The following CABCOCO1 variants were observed in gnomAD, a reference collection of about 807,000 sequenced individuals.
CABCOCO1 encodes the protein ciliary associated calcium binding coiled-coil 1.
Under a neutral mutation model 35.7 loss-of-function variants are expected in CABCOCO1, and 28 were observed. The ratio of observed to expected loss-of-function variants is 0.78; its 90% CI spans 0.58 to 1.07. CABCOCO1 has a LOEUF of 1.07. Ranked by LOEUF, CABCOCO1 falls within the 50% of genes least tolerant of loss-of-function variation. The pLI, the probability that CABCOCO1 is intolerant of heterozygous loss-of-function variation, is 0.00. For synonymous variants in CABCOCO1, 95 were observed against 100.1 expected, an observed-to-expected ratio of 0.95 and a Z score of 0.30; for missense variants, 326 against 309.2, an observed-to-expected ratio of 1.05 and a Z score of -0.41.
rs200867627 is a variant in CABCOCO1, at chr10:61,669,020, G to GAAA, written c.61-3601_61-3599dup. ...TGGTTCATTTATTTTAAGGGTTGGGGAAAAAAAAAAAAACACCTTCCAAGT... is the reference window on the plus strand; with the variant it reads ...TGGTTCATTTATTTTAAGGGTTGGGGAAAAAAAAAAAAAAAACACCTTCCAAGT... On this transcript the variant is annotated intron_variant, in intron 1 of 7. Transcript: ENST00000648843. Among the ~76,000 whole-genome samples the GAAA allele has an allele frequency of 1.1e-4, 11 of 102,480 alleles. 1 individual carries two copies. Among genetic ancestry groups the GAAA allele is most frequent in the South Asian group, 3.8e-4 (1 of 2,608 alleles). The allele number at this position is 102,480 out of a possible 152,430, so 67.2% of individuals were successfully genotyped here.
rs577970065 is a variant in CABCOCO1, at chr10:61,725,894, T to C, written c.553-34165T>C. 8.5e-5 allele frequency among the ~76,000 whole-genome samples: 13 copies of C among 152,152 alleles called. No homozygotes were observed. The East Asian group carries it at 2.5e-3, about 29-fold the overall frequency. On this transcript the variant is annotated intron_variant, in intron 5 of 7. Transcript: ENST00000648843. ...GGTTAGTTTTTATAAAAATAAACAC[T>C]TATACCAAGAAAAAAAAAGAAAGAA...
chr10:61,752,223 G>A (rs1841803809), intron 5 of CABCOCO1, among the ~76,000 whole-genome samples: 1 of 152,118 alleles, frequency 6.6e-6, no homozygotes, highest in Non-Finnish European at 1.5e-5. Context: ...GGTGCTCACT[G>A]AAAGTGTCCT....
At chr10:61,674,098 A>T (rs1034999242) in intron 2 of CABCOCO1, among the ~76,000 whole-genome samples, 1 of 152,182 alleles carries the variant, frequency 6.6e-6, no homozygotes, top group African/African-American at 2.4e-5. Flanking sequence ...TATTAAATAC[A>T]ATTAATATTA....
chr10:61,765,385 C>CT (rs200186531), intron 7 of CABCOCO1, among the ~76,000 whole-genome samples: 2,785 of 152,242 alleles, frequency 0.018, 81 homozygotes, highest in African/African-American at 0.064. Context: ...CAATTGCTTA[C>CT]TTTTTTTACC....
chr10:61,758,194 A>G (rs1841937949), intron 5 of CABCOCO1, among the ~76,000 whole-genome samples: 1 of 152,022 alleles, frequency 6.6e-6, no homozygotes, highest in African/African-American at 2.4e-5. Flanking sequence ...CTTGGTGTAT[A>G]TTAAAGTCTA....
In CABCOCO1 at chr10:61,681,429, T is replaced by C. The variant is rs527620088; in HGVS notation, c.334+117T>C. ...TCCTTTAATGAAAAATACGGGTTTTTCCTGAGTATAACAAATACATAGTTC... is the reference window on the plus strand; with the variant it reads ...TCCTTTAATGAAAAATACGGGTTTTCCCTGAGTATAACAAATACATAGTTC... On this transcript the variant is annotated intron_variant, in intron 3 of 7. Transcript: ENST00000648843. 59 of 737,036 alleles carry C rather than the reference T, an allele frequency of 8.0e-5. 1 individual carries two copies. The South Asian group carries it at 1.2e-3, about 15-fold the overall frequency. The allele number at this position is 737,036 out of a possible 1,614,324, so 45.7% of individuals were successfully genotyped here.
intron 5 of CABCOCO1, among the ~76,000 whole-genome samples, chr10:61,721,839 A>G (rs1192605593): frequency 6.6e-6 from 1 of 152,196 alleles, no homozygotes; most frequent in African/African-American, 2.4e-5. Context: ...TTTATTAGGA[A>G]TCAACACCTG....
At chr10:61,722,882 A>T (rs960033918) in intron 5 of CABCOCO1, among the ~76,000 whole-genome samples, 9 of 152,226 alleles carry the variant, frequency 5.9e-5, no homozygotes, top group Non-Finnish European at 1.0e-4. Flanking sequence ...ATACCTATGG[A>T]AGAAAAACTG....
chr10:61,665,640 C>A (rs981060813), intron 1 of CABCOCO1, among the ~76,000 whole-genome samples: 2 of 152,060 alleles, frequency 1.3e-5, no homozygotes, highest in Non-Finnish European at 2.9e-5. Context: ...GTAATCCCAG[C>A]ACTTTGGGAG....
At chr10:61,696,342 A>G (rs1308926581) in intron 5 of CABCOCO1, among the ~76,000 whole-genome samples, 1 of 152,058 alleles carries the variant, frequency 6.6e-6, no homozygotes, top group Non-Finnish European at 1.5e-5. Context: ...AAAATGCAAA[A>G]CTATAGTAAT....
At chr10:61,753,092 C>T (rs1307695514) in intron 5 of CABCOCO1, among the ~76,000 whole-genome samples, 1 of 151,934 alleles carries the variant, frequency 6.6e-6, no homozygotes, top group Non-Finnish European at 1.5e-5. Context: ...GGTACTTATT[C>T]AAAAAGAGTA....
intron 5 of CABCOCO1, among the ~76,000 whole-genome samples, chr10:61,710,735 G>T (rs1840714939): frequency 6.6e-6 from 1 of 151,802 alleles, no homozygotes; most frequent in Non-Finnish European, 1.5e-5. Context: ...AAAGATTTTT[G>T]AGGTGGACCC....
At chr10:61,752,017 T>C (rs1841800072) in intron 5 of CABCOCO1, among the ~76,000 whole-genome samples, 1 of 152,214 alleles carries the variant, frequency 6.6e-6, no homozygotes, top group Non-Finnish European at 1.5e-5. Context: ...AGAACATGTA[T>C]TGCTATGTAC....
intron 5 of CABCOCO1, among the ~76,000 whole-genome samples, chr10:61,708,607 C>T (rs561991122): frequency 6.6e-6 from 1 of 152,178 alleles, no homozygotes; most frequent in South Asian, 2.1e-4. Context: ...AAGGGATGAA[C>T]AAACTCCCTT....
intron 7 of CABCOCO1, among the ~76,000 whole-genome samples, chr10:61,761,329 T>C (rs2244860): frequency 0.83 from 126,187 of 151,974 alleles, 52,491 homozygotes; most frequent in East Asian, 0.91. Context: ...CATTTCTGAA[T>C]GGTAAACACT....
intron 1 of CABCOCO1, among the ~76,000 whole-genome samples, chr10:61,667,551 C>A (rs755753639): frequency 2.0e-5 from 3 of 151,704 alleles, no homozygotes; most frequent in Non-Finnish European, 4.4e-5. Flanking sequence ...CAATAAATCT[C>A]TTTTATCAAG....
At chr10:61,685,979 T>C in intron 3 of CABCOCO1, 62 bp from the exon 4 acceptor site, 2 of 1,442,110 alleles carry the variant, frequency 1.4e-6, no homozygotes, top group Non-Finnish European at 1.9e-6. Context: ...ACATCTTGGA[T>C]TATCTTATTC....
chr10:61,712,740 A>C (rs1319054245), intron 5 of CABCOCO1, among the ~76,000 whole-genome samples: 2 of 152,188 alleles, frequency 1.3e-5, no homozygotes, highest in African/African-American at 2.4e-5. Context: ...CAGTTTTCCC[A>C]GCACCATTTA....
chr10:61,684,897 T>A (rs1193070080), intron 3 of CABCOCO1: 5 of 152,162 alleles, frequency 3.3e-5, no homozygotes, highest in Non-Finnish European at 5.9e-5. Context: ...GAAAAGAAAA[T>A]GGAATTATAT....
Sources: allele counts gnomAD v4.1 joint callset (sites outside exome capture counted in the v4.1 genomes callset), GRCh38; gene constraint gnomAD v4.1.1; transcripts MANE v1.5; gene names NCBI Gene and HGNC (gene_info 2026-07-23, HGNC 2026-07-21).